KSR2: variants seen among roughly 807,000 people sequenced by gnomAD.
The protein encoded by KSR2 is kinase suppressor of ras 2.
KSR2 carries 25 observed loss-of-function variants against 107.8 expected under a neutral mutation model. That is an observed-to-expected ratio of 0.23 (90% CI 0.17 to 0.32). The LOEUF (loss-of-function observed/expected upper bound fraction) is 0.32, where lower values mean the gene tolerates loss of function less well. Among genes scored for constraint, KSR2 ranks in the 10% least tolerant of loss-of-function variants. The pLI is 1.00. For missense variants in KSR2, 887 were observed against 1,268.9 expected, an observed-to-expected ratio of 0.70 and a Z score of 4.57; for synonymous variants, 480 against 507.0, an observed-to-expected ratio of 0.95 and a Z score of 0.71.
At position 117,579,088 on chromosome 12, in the gene KSR2, C is replaced by T. The variant is rs369127977; in HGVS notation, c.1325+31G>A. On this transcript the variant is annotated intron_variant, in intron 7 of 19. Coordinates refer to ENST00000339824, the MANE Select transcript of KSR2 (RefSeq NM_173598.6). The stretch of plus-strand genomic sequence containing the variant: ...TGGTTCTAGCTGACATCGGGTGCTG[C>T]GAAAAGTCACTGCAGGGCACAGTCA... 3.7e-4 allele frequency: 570 copies of T among 1,553,604 alleles called. 3 individuals carry two copies. In the African/African-American group the frequency reaches 6.9e-3, roughly 19 times the overall value.
chr12:117,621,514 G>A (rs1882194864), intron 5 of KSR2, among the ~76,000 whole-genome samples: 1 of 152,136 alleles, frequency 6.6e-6, no homozygotes, highest in Non-Finnish European at 1.5e-5. Context: ...GATAAATATA[G>A]TATGTGCTTC....
At chr12:117,491,608 C>T (rs1643053982) in intron 14 of KSR2, among the ~76,000 whole-genome samples, 1 of 152,158 alleles carries the variant, frequency 6.6e-6, no homozygotes. Context: ...CATTTATATG[C>T]CACATTTTCT....
intron 3 of KSR2, among the ~76,000 whole-genome samples, chr12:117,774,249 C>T (rs183613851): frequency 4.1e-4 from 62 of 152,266 alleles, no homozygotes; most frequent in Admixed American, 1.0e-3. Flanking sequence ...AGCCTGAAAC[C>T]GAAAATCCAG....
At chr12:117,776,208 A>G (rs759403581) in intron 3 of KSR2, among the ~76,000 whole-genome samples, 1 of 152,154 alleles carries the variant, frequency 6.6e-6, no homozygotes, top group African/African-American at 2.4e-5. Context: ...TTGTTTTACA[A>G]TATTTAGCAT....
chr12:117,528,264 G>T (rs1382549662), intron 12 of KSR2, among the ~76,000 whole-genome samples: 1 of 152,074 alleles, frequency 6.6e-6, no homozygotes, highest in Non-Finnish European at 1.5e-5. Flanking sequence ...GATGGATGTT[G>T]GGTACAGTGT....
At chr12:117,888,320 A>G (rs967093856) in intron 1 of KSR2, among the ~76,000 whole-genome samples, 2 of 152,188 alleles carry the variant, frequency 1.3e-5, no homozygotes, top group Non-Finnish European at 2.9e-5. Flanking sequence ...ACCATATATC[A>G]AAAGTATGCT....
chr12:117,664,719 C>T (rs1034861935), intron 5 of KSR2, among the ~76,000 whole-genome samples: 9 of 152,086 alleles, frequency 5.9e-5, no homozygotes, highest in African/African-American at 1.9e-4. Context: ...AAGGAACTTG[C>T]CGCATTGAAG....
chr12:117,536,163 T>C (rs747792163), intron 10 of KSR2, among the ~76,000 whole-genome samples: 3 of 152,222 alleles, frequency 2.0e-5, no homozygotes, highest in African/African-American at 4.8e-5. Context: ...AAGAATGTTC[T>C]AGATGAATCA....
Position 117,775,997 on chromosome 12 carries a change from C to T in KSR2, c.473-14473G>A, listed in dbSNP as rs1446332497. On this transcript the variant is annotated intron_variant, in intron 3 of 19. Coordinates refer to ENST00000339824, the MANE Select transcript of KSR2 (RefSeq NM_173598.6). ...CAAATTGGGTTCAGTGTATACTGCT[C>T]GGGTGATGAGCGCACAAAATCTCAC... Among the ~76,000 whole-genome samples the T allele has an allele frequency of 2.6e-5, 4 of 151,990 alleles. 1 individual carries two copies. The South Asian group carries it at 8.3e-4, about 32-fold the overall frequency.
At chr12:117,558,422 C>T in intron 8 of KSR2, 84 bp downstream of exon 8, 1 of 1,070,506 alleles carries the variant, frequency 9.3e-7, no homozygotes, top group Non-Finnish European at 1.4e-6. Context: ...TATTCAGAAC[C>T]AACCTGATGG....
chr12:117,832,291 A>G (rs1439194345), intron 3 of KSR2, among the ~76,000 whole-genome samples: 5 of 152,086 alleles, frequency 3.3e-5, no homozygotes, highest in African/African-American at 4.8e-5. Flanking sequence ...TCTCAAAAAC[A>G]AAACAAAACA....
At chr12:117,484,692 C>T (rs372786612) in intron 15 of KSR2, 143 bp from the exon 16 acceptor site, 14 of 800,146 alleles carry the variant, frequency 1.7e-5, no homozygotes, top group Admixed American at 7.9e-5. Context: ...GGGGTCTGAC[C>T]GTGGGTCCTG....
chr12:117,811,668 G>A (rs1330721626), intron 3 of KSR2, among the ~76,000 whole-genome samples: 2 of 152,200 alleles, frequency 1.3e-5, no homozygotes, highest in Non-Finnish European at 1.5e-5. Flanking sequence ...AGAAATTAGT[G>A]AGATAAGGTA....
chr12:117,575,095 T>C (rs1381740424), intron 7 of KSR2, among the ~76,000 whole-genome samples: 4 of 152,132 alleles, frequency 2.6e-5, no homozygotes, highest in Non-Finnish European at 4.4e-5. Flanking sequence ...TCCACCTTCT[T>C]AGCATTTTGC....
In KSR2 at chr12:117,907,306, G is replaced by A. The variant is rs142553492; in HGVS notation, c.181-46875C>T. Among the ~76,000 whole-genome samples, 2 of 152,222 alleles carry A rather than the reference G, an allele frequency of 1.3e-5. No individual in the cohort carries two copies. The highest frequency in any genetic ancestry group is 2.9e-5 in the Non-Finnish European group (2 of 68,014). ...GATGGGGGCGTCCTGACATGCTGAC[G>A]CCACAGAGATGAAACAGGTGCACTC... On this transcript the variant is annotated intron_variant, in intron 1 of 19. Transcript: ENST00000339824. This position sits in a 1 kb window ranked among gnomAD's most constrained non-coding sequence, Gnocchi z 4.3.
At chr12:117,527,047 G>A (rs1355442884) in intron 13 of KSR2, 24 bp downstream of exon 13, 7 of 1,609,994 alleles carry the variant, frequency 4.3e-6, no homozygotes, top group Non-Finnish European at 5.9e-6. Context: ...GGAAAATGTC[G>A]CTTCACTGCT....
At position 117,897,022 on chromosome 12, in the gene KSR2, C is replaced by T. The variant is rs1218120724; in HGVS notation, c.181-36591G>A. Among the ~76,000 whole-genome samples the T allele has an allele frequency of 6.6e-6, 1 of 152,168 alleles. No homozygotes were observed. The highest frequency in any genetic ancestry group is 2.4e-5 in the African/African-American group (1 of 41,452). ...TGCTGTGCCAAGCAGGGCAGTGATA[C>T]TTCATCTGCCTAACCAGGAGGTGTT... On this transcript the variant is annotated intron_variant, in intron 1 of 19. Transcript: ENST00000339824. The surrounding 1 kb of genome is among the most constrained non-coding windows in gnomAD (Gnocchi z 4.5).
intron 5 of KSR2, among the ~76,000 whole-genome samples, chr12:117,591,173 T>G (rs1880290967): frequency 6.6e-6 from 1 of 152,156 alleles, no homozygotes; most frequent in Non-Finnish European, 1.5e-5. Flanking sequence ...CGTAGAATAG[T>G]CCATGAGGGG....
intron 1 of KSR2, among the ~76,000 whole-genome samples, chr12:117,872,640 G>GA: frequency 6.6e-6 from 1 of 152,212 alleles, no homozygotes; most frequent in South Asian, 2.1e-4. Flanking sequence ...GACAGCCCAG[G>GA]AATCTGTGAA....
Sources: gnomAD v4.1 joint callset for allele counts (sites outside exome capture counted in the v4.1 genomes callset) on GRCh38, gnomAD v4.1.1 for gene constraint, Gnocchi (gnomAD v3.1) non-coding constraint, MANE v1.5 for transcripts, NCBI Gene and HGNC (gene_info 2026-07-23, HGNC 2026-07-21) for gene names.